FSTL5: variants seen among roughly 807,000 people sequenced by gnomAD.
The protein encoded by FSTL5 is follistatin-related protein 5.
FSTL5 carries 62 observed loss-of-function variants against 89.1 expected under a neutral mutation model. The observed-to-expected ratio is 0.70, with a 90% CI of 0.57 to 0.86. The LOEUF (loss-of-function observed/expected upper bound fraction) is 0.86. Among genes scored for constraint, FSTL5 ranks in the 40% least tolerant of loss-of-function variants. The pLI, the probability that FSTL5 is intolerant of heterozygous loss-of-function variation, is 0.00. For missense variants in FSTL5, 1,057 were observed against 1,001.6 expected, an observed-to-expected ratio of 1.06 and a Z score of -0.75; for synonymous variants, 383 against 346.2, an observed-to-expected ratio of 1.11 and a Z score of -1.18.
chr4:161,986,646 AT>A (rs1390042558), intron 3 of FSTL5, among the ~76,000 whole-genome samples: 1 of 152,242 alleles, frequency 6.6e-6, no homozygotes, highest in Non-Finnish European at 1.5e-5. Context: ...GCACATTATT[AT>A]TTAAATATTA....
intron 4 of FSTL5, among the ~76,000 whole-genome samples, chr4:161,887,757 C>T (rs1732861459): frequency 2.0e-5 from 3 of 152,202 alleles, no homozygotes; most frequent in Non-Finnish European, 2.9e-5. Flanking sequence ...AATTCATTTT[C>T]TCCTTAAGAC....
chr4:161,761,201 G>T (rs1003283159), intron 5 of FSTL5, among the ~76,000 whole-genome samples: 3 of 152,132 alleles, frequency 2.0e-5, no homozygotes, highest in Admixed American at 2.0e-4. Flanking sequence ...GCACAGTCCA[G>T]CTGGATGGAT....
intron 4 of FSTL5, among the ~76,000 whole-genome samples, chr4:161,843,497 A>G (rs1202540907): frequency 1.3e-5 from 2 of 152,078 alleles, no homozygotes. Flanking sequence ...TTGTATTCCT[A>G]GGTATTTTAT....
chr4:161,533,231 A>C lies in FSTL5; in HGVS notation c.1312+4935T>G, dbSNP rs75558407. 7.9e-3 allele frequency among the ~76,000 whole-genome samples: 1,194 copies of C among 151,960 alleles called. 19 individuals carry two copies. Among genetic ancestry groups the C allele is most frequent in the African/African-American group, 0.028 (1,153 of 41,516 alleles). Reference sequence around the variant, plus strand: ...TGAAGAAAATAACTAGAATGAGAGAAGAACTGAACAAAATTGAGAACTAAA... The same window carrying C: ...TGAAGAAAATAACTAGAATGAGAGACGAACTGAACAAAATTGAGAACTAAA... On this transcript the variant is annotated intron_variant, in intron 10 of 15. Transcript: ENST00000306100.
Position 161,386,308 on chromosome 4 carries a change from G to A in FSTL5, c.1983C>T (p.Tyr661=), listed in dbSNP as rs1429477390. The stretch of plus-strand genomic sequence containing the variant: ...TGCTGTCAGGTTTGCAGCCAATGAA[G>A]TAGTAGCCTCCCAAGTGTGTATATG... ...SLAYTHLGGY[Y]FIGCKPDSTG... is the part of the protein sequence containing the mutation. The change falls in exon 16 of 16, where the codon TAC becomes TAT. Residue 661 remains tyrosine (Y), a synonymous_variant. Transcript: ENST00000306100. 6.2e-7 allele frequency: 1 copy of A among 1,613,786 alleles called. No individual in the cohort carries two copies. The highest frequency in any genetic ancestry group is 8.5e-7 in the Non-Finnish European group (1 of 1,179,776).
At chr4:161,609,898 C>T (rs1372741054) in intron 7 of FSTL5, among the ~76,000 whole-genome samples, 1 of 151,980 alleles carries the variant, frequency 6.6e-6, no homozygotes, top group South Asian at 2.1e-4. Flanking sequence ...TAAATATGGT[C>T]CAGAACTAAA....
intron 3 of FSTL5, among the ~76,000 whole-genome samples, chr4:161,922,887 T>G (rs975173432): frequency 6.6e-6 from 1 of 151,964 alleles, no homozygotes; most frequent in Admixed American, 6.6e-5. Flanking sequence ...CATGATTGCT[T>G]TTTAATGTTC....
At chr4:161,973,701 A>T (rs1303198090) in intron 3 of FSTL5, among the ~76,000 whole-genome samples, 4 of 152,224 alleles carry the variant, frequency 2.6e-5, no homozygotes, top group Non-Finnish European at 1.5e-5. Flanking sequence ...CACTGAAGAG[A>T]CAGTCAATTT....
intron 4 of FSTL5, among the ~76,000 whole-genome samples, chr4:161,820,990 T>C (rs1730476007): frequency 6.6e-6 from 1 of 150,540 alleles, no homozygotes; most frequent in African/African-American, 2.4e-5. Flanking sequence ...AAAATGTATA[T>C]ATTTGTACAT....
At chr4:161,421,838 A>C (rs1028693055) in intron 15 of FSTL5, among the ~76,000 whole-genome samples, 1 of 152,092 alleles carries the variant, frequency 6.6e-6, no homozygotes, top group Non-Finnish European at 1.5e-5. Context: ...TTGATTCTCA[A>C]ATCTTTAGAA....
intron 6 of FSTL5, among the ~76,000 whole-genome samples, chr4:161,707,094 A>G (rs1203575626): frequency 6.6e-6 from 1 of 151,736 alleles, no homozygotes; most frequent in Non-Finnish European, 1.5e-5. Flanking sequence ...AAAAATCTAA[A>G]CCAAACACAA....
chr4:161,515,456 C>T (rs7659173), intron 10 of FSTL5, among the ~76,000 whole-genome samples: 1,978 of 152,144 alleles, frequency 0.013, 46 homozygotes, highest in African/African-American at 0.045. Flanking sequence ...ATCCACCCAC[C>T]TTGGCCTCCC....
At chr4:161,896,644 T>C (rs1440610354) in intron 4 of FSTL5, among the ~76,000 whole-genome samples, 1 of 152,158 alleles carries the variant, frequency 6.6e-6, no homozygotes, top group African/African-American at 2.4e-5. Flanking sequence ...ACATAAGAAA[T>C]CTGTAATATC....
At chr4:161,403,380 G>C (rs1201654895) in intron 15 of FSTL5, among the ~76,000 whole-genome samples, 1 of 152,040 alleles carries the variant, frequency 6.6e-6, no homozygotes, top group Non-Finnish European at 1.5e-5. Flanking sequence ...GTCTGAAAAG[G>C]CTTTTAAAAA....
intron 12 of FSTL5, among the ~76,000 whole-genome samples, chr4:161,497,982 T>C (rs1250694048): frequency 2.0e-5 from 3 of 151,744 alleles, no homozygotes; most frequent in Admixed American, 2.0e-4. Context: ...TTATGTATAT[T>C]TATTTCTCTA....
At chr4:161,611,544 A>C (rs914675123) in intron 7 of FSTL5, among the ~76,000 whole-genome samples, 3 of 152,028 alleles carry the variant, frequency 2.0e-5, no homozygotes, top group African/African-American at 7.2e-5. Flanking sequence ...TATTTATATA[A>C]TATAATACCT....
At chr4:161,539,936 A>C in intron 9 of FSTL5, among the ~76,000 whole-genome samples, 1 of 150,852 alleles carries the variant, frequency 6.6e-6, no homozygotes, top group South Asian at 2.1e-4. Context: ...CCACACACTT[A>C]ACAGCTTAAA....
chr4:161,806,836 T>C (rs1416090062), intron 4 of FSTL5, among the ~76,000 whole-genome samples: 2 of 152,166 alleles, frequency 1.3e-5, no homozygotes, highest in South Asian at 2.1e-4. Flanking sequence ...TGACAGGTAA[T>C]ACAGAGATAG....
chr4:162,114,502 T>C (rs1003658707), intron 1 of FSTL5, among the ~76,000 whole-genome samples: 2 of 148,762 alleles, frequency 1.3e-5, no homozygotes, highest in East Asian at 4.0e-4. Context: ...CTCTCTCTCT[T>C]CTTCCCTCTC....
Sources: gnomAD v4.1 joint callset for allele counts (sites outside exome capture counted in the v4.1 genomes callset) on GRCh38, gnomAD v4.1.1 for gene constraint, MANE v1.5 for transcripts, NCBI Gene and HGNC (gene_info 2026-07-23, HGNC 2026-07-21) for gene names.